Variants in ATP13A2 observed in about 807,000 individuals in gnomAD.
ATP13A2 encodes the protein ATPase cation transporting 13A2, also known as polyamine-transporting ATPase 13A2.
ATP13A2 carries 83 observed loss-of-function variants against 138.3 expected under a neutral mutation model. That is an observed-to-expected ratio of 0.60 (90% CI 0.50 to 0.72). The LOEUF is 0.72. Ranked by LOEUF, ATP13A2 falls within the 30% of genes least tolerant of loss-of-function variation. ATP13A2 has a pLI of 0.00. For missense variants in ATP13A2, 1,402 were observed against 1,606.4 expected, an observed-to-expected ratio of 0.87 and a Z score of 2.17; for synonymous variants, 663 against 699.0, an observed-to-expected ratio of 0.95 and a Z score of 0.81.
intron 15 of ATP13A2, among the ~76,000 whole-genome samples, chr1:16,994,184 G>T (rs1013057200): frequency 6.1e-5 from 9 of 148,502 alleles, no homozygotes; most frequent in South Asian, 2.1e-4. Context: ...CGGTTGGCTC[G>T]CTCTCTCTCT....
At chr1:17,005,128 C>T in intron 3 of ATP13A2, 56 bp from the exon 4 acceptor site, 1 of 1,607,956 alleles carries the variant, frequency 6.2e-7, no homozygotes, top group Non-Finnish European at 8.5e-7. Flanking sequence ...CTCCCAGGCC[C>T]TGTCCTACAG....
intron 6 of ATP13A2, among the ~76,000 whole-genome samples, chr1:17,003,490 G>A (rs893333934): frequency 2.0e-5 from 3 of 151,332 alleles, no homozygotes; most frequent in Non-Finnish European, 2.9e-5. Context: ...CCCAGGAGGC[G>A]GAGGTGCAGT....
rs772920933 is a variant in ATP13A2, at chr1:16,995,790, C to A, written c.1542+186G>T. On this transcript the variant is annotated intron_variant, in intron 15 of 28. Coordinates refer to ENST00000326735, the MANE Select transcript of ATP13A2 (RefSeq NM_022089.4). The surrounding 1 kb of genome is among the most constrained non-coding windows in gnomAD (Gnocchi z 4.1). ...CATGAATACATGATTCTAGACATTT[C>A]ATCTGCCAGACCGTGAGCCCAGTGA... is the stretch of plus-strand genomic sequence containing the variant. The A allele has an allele frequency of 2.2e-5, 17 of 782,670 alleles. No homozygotes were observed. In the East Asian group the frequency reaches 2.7e-4, roughly 12 times the overall value. 48.5% of individuals were successfully genotyped at this position (782,670 alleles called of 1,614,324 possible).
chr1:16,996,871 TG>T, intron 12 of ATP13A2, 148 bp downstream of exon 12: 1 of 994,352 alleles, frequency 1.0e-6, no homozygotes, highest in Non-Finnish European at 1.5e-6. Context: ...AGACCCCAGA[TG>T]GGGGGCAACT....
chr1:17,001,949 A>C (rs2077373233), intron 8 of ATP13A2, 85 bp downstream of exon 8: 1 of 1,409,388 alleles, frequency 7.1e-7, no homozygotes, highest in Non-Finnish European at 9.7e-7. Context: ...TTGCCACCGT[A>C]AAGTGGCCCA....
At chr1:17,008,289 A>G (rs1055053931) in intron 1 of ATP13A2, among the ~76,000 whole-genome samples, 4 of 152,012 alleles carry the variant, frequency 2.6e-5, no homozygotes, top group Non-Finnish European at 5.9e-5. Flanking sequence ...CTACAGGCAC[A>G]GGCCACCATG....
At chr1:16,987,822 C>CG (rs756394192) in intron 25 of ATP13A2, among the ~76,000 whole-genome samples, 122 of 152,204 alleles carry the variant, frequency 8.0e-4, no homozygotes, top group Non-Finnish European at 1.6e-3. Context: ...GGGGATGGGG[C>CG]GGGGGCGAGG....
Position 17,000,529 on chromosome 1 carries a change from C to A in ATP13A2, c.711G>T (p.Leu237=). 6.2e-7 allele frequency: 1 copy of A among 1,613,842 alleles called. No homozygotes were observed. The highest frequency in any genetic ancestry group is 1.1e-5 in the South Asian group (1 of 91,058). Reference sequence around the variant, plus strand: ...AGGCCTGGAACCCATAGTAGGGGTTCAGTGCCTGGGGGAGGGGCGGGAGGC... The same window carrying A: ...AGGCCTGGAACCCATAGTAGGGGTTAAGTGCCTGGGGGAGGGGCGGGAGGC... ...SYPQLLVDEA[L]NPYYGFQAFS... is the part of the protein sequence containing the mutation. The change falls in exon 9 of 29, where the codon CTG becomes CTT. Residue 237 remains leucine, a synonymous_variant. Transcript: ENST00000326735.
At position 17,004,845 on chromosome 1, in the gene ATP13A2, TCTCGAG is replaced by T; in HGVS notation, c.348-30_348-25del. ...GGCTGGGGAAGCAGGTGAGGGTTAC[TCTCGAG>T]CTCTGGGAGCTGCCCTGGCACCTCC... On this transcript the variant is annotated intron_variant, in intron 4 of 28. Transcript: ENST00000326735. The surrounding 1 kb of genome is among the most constrained non-coding windows in gnomAD (Gnocchi z 4.1). 1 of 1,613,628 alleles carries T rather than the reference TCTCGAG, an allele frequency of 6.2e-7. No homozygotes were observed. The highest frequency in any genetic ancestry group is 8.5e-7 in the Non-Finnish European group (1 of 1,180,010).
At position 17,005,011 on chromosome 1, in the gene ATP13A2, C is replaced by T. The variant is rs753868851; in HGVS notation, c.347+3G>A. The stretch of plus-strand genomic sequence containing the variant: ...CTGGGAAGGGGCAATGGGGCTGCCT[C>T]ACCTGCCCTCGCCGATGGCCTCAGT... On this transcript the variant is annotated splice_donor_region_variant and intron_variant, in intron 4 of 28. Transcript: ENST00000326735. 12 of 1,613,934 alleles carry T rather than the reference C, an allele frequency of 7.4e-6. No individual in the cohort carries two copies. In the South Asian group the frequency reaches 1.2e-4, roughly 16 times the overall value.
intron 25 of ATP13A2, 37 bp downstream of exon 25, chr1:16,988,101 G>A (rs2076798924): frequency 6.3e-7 from 1 of 1,586,008 alleles, no homozygotes; most frequent in Non-Finnish European, 8.7e-7. Context: ...CCCTAGTCCT[G>A]GGACGGCTCT....
chr1:17,002,428 C>T (rs1178467243), intron 6 of ATP13A2, 55 bp from the exon 7 acceptor site: 4 of 1,576,876 alleles, frequency 2.5e-6, no homozygotes, highest in Non-Finnish European at 2.6e-6. Flanking sequence ...GGTCTGCATC[C>T]CCCACCCTGT....
rs1557691780 is a variant in ATP13A2, at chr1:16,996,009, C to G, written c.1509G>C (p.Leu503=). The part of the protein sequence containing the change: ...IFCIHPLRIN[L]GGKLQLVCFD... ...AACACACCAGCTGCAGCTTGCCCCC[C>G]AGGTTGATGCGCAGTGGGTGGATGC... is the stretch of plus-strand genomic sequence containing the variant. Residue 503 remains leucine, a synonymous_variant, in exon 15 of 29, where the codon CTG becomes CTC. Coordinates refer to ENST00000326735, the MANE Select transcript of ATP13A2 (RefSeq NM_022089.4). 2 of 1,614,092 alleles carry G rather than the reference C, an allele frequency of 1.2e-6. No individual in the cohort carries two copies. Among genetic ancestry groups the G allele is most frequent in the East Asian group, 2.2e-5 (1 of 44,888 alleles).
rs1175179881 is a variant in ATP13A2, at chr1:17,002,465, C to T, written c.558-92G>A. The T allele has an allele frequency of 4.7e-5, 66 of 1,415,982 alleles. No individual in the cohort carries two copies. The South Asian group carries it at 7.8e-4, about 17-fold the overall frequency. 87.7% of individuals were successfully genotyped at this position (1,415,982 alleles called of 1,614,324 possible). A position where few individuals can be genotyped will look rare whatever the true frequency, so the allele number is the denominator to read the frequency against. ...CAGGCTGGAGACTATGGGCTCTAGG[C>T]CCCCCATCCCCGTTCTGCCACACTG... is the stretch of plus-strand genomic sequence containing the variant. On this transcript the variant is annotated intron_variant, in intron 6 of 28. Transcript: ENST00000326735.
Position 16,986,328 on chromosome 1 carries a change from G to C in ATP13A2, c.3436C>G (p.Leu1146Val). 6.3e-7 allele frequency: 1 copy of C among 1,582,354 alleles called. No individual in the cohort carries two copies. Among genetic ancestry groups the C allele is most frequent in the Non-Finnish European group, 8.6e-7 (1 of 1,165,946 alleles). The change falls in exon 29 of 29, where the codon CTG becomes GTG. Residue 1146 changes from leucine (L) to valine (V), a missense_variant. Physicochemically the swap from Leu to Val is conservative, Grantham distance 32. Transcript: ENST00000326735. The surrounding 1 kb of genome is among the most constrained non-coding windows in gnomAD (Gnocchi z 6.9). ...GCCCGCTTGGGCCGGAGGCGGCGCA[G>C]GCAGGCGGGGAGGCACTGGTCTAGC... ...SVLDQCLPAC[L>V]RRLRPKRASK... is the part of the protein sequence containing the mutation.
chr1:16,986,118 C>T lies in ATP13A2; in HGVS notation c.*103G>A, dbSNP rs768740101. 1 of 1,587,996 alleles carries T rather than the reference C, an allele frequency of 6.3e-7. No homozygotes were observed. ...GGGAGGAGTGTAGACAGTCGCCAAC[C>T]TCAGGGATGTGGGAGGTGGTGGCGG... On this transcript the variant is annotated 3_prime_UTR_variant, in exon 29 of 29. Coordinates refer to ENST00000326735, the MANE Select transcript of ATP13A2 (RefSeq NM_022089.4). This position sits in a 1 kb window ranked among gnomAD's most constrained non-coding sequence, Gnocchi z 6.9.
At chr1:16,996,532 C>T (rs1206323292) in intron 12 of ATP13A2, 36 bp from the exon 13 acceptor site, 1 of 1,572,870 alleles carries the variant, frequency 6.4e-7, no homozygotes, top group Non-Finnish European at 8.7e-7. Flanking sequence ...GCAGGGAAGC[C>T]AGGGTGAGGG....
Position 16,986,104 on chromosome 1 carries a change from A to G in ATP13A2, c.*117T>C. On this transcript the variant is annotated 3_prime_UTR_variant, in exon 29 of 29. Transcript: ENST00000326735. The surrounding 1 kb of genome is among the most constrained non-coding windows in gnomAD (Gnocchi z 6.9). ...GGGGGTGGTCTCGGGGGAGGAGTGTAGACAGTCGCCAACCTCAGGGATGTG... is the reference window on the plus strand; with the variant it reads ...GGGGGTGGTCTCGGGGGAGGAGTGTGGACAGTCGCCAACCTCAGGGATGTG... 6.4e-7 allele frequency: 1 copy of G among 1,573,132 alleles called. No individual in the cohort carries two copies. The highest frequency in any genetic ancestry group is 1.7e-4 in the Middle Eastern group (1 of 5,964).
chr1:17,006,503 G>T (rs964598208), intron 1 of ATP13A2, among the ~76,000 whole-genome samples: 4 of 152,060 alleles, frequency 2.6e-5, no homozygotes, highest in Non-Finnish European at 4.4e-5. Flanking sequence ...TGCCCACTTT[G>T]GCCTCCCAAA....
Sources: allele counts gnomAD v4.1 joint callset (sites outside exome capture counted in the v4.1 genomes callset), GRCh38; gene constraint gnomAD v4.1.1; non-coding constraint Gnocchi (gnomAD v3.1); transcripts MANE v1.5; gene names NCBI Gene and HGNC (gene_info 2026-07-23, HGNC 2026-07-21).